Variants in MAN2A1 observed in about 807,000 individuals in gnomAD.
MAN2A1 encodes alpha-mannosidase 2.
MAN2A1 carries 76 observed loss-of-function variants against 142.6 expected under a neutral mutation model. The observed-to-expected ratio is 0.53, with a 90% CI of 0.44 to 0.65. MAN2A1 has a LOEUF of 0.65. MAN2A1 is among the 30% of genes least tolerant of loss of function. The pLI is 0.00. For missense variants in MAN2A1, 1,311 were observed against 1,365.1 expected, an observed-to-expected ratio of 0.96 and a Z score of 0.62; for synonymous variants, 559 against 473.2, an observed-to-expected ratio of 1.18 and a Z score of -2.35.
chr5:109,789,523 C>T lies in MAN2A1; in HGVS notation c.1939C>T (p.Pro647Ser). 1 of 1,565,180 alleles carries T rather than the reference C, an allele frequency of 6.4e-7. No homozygotes were observed. The highest frequency in any genetic ancestry group is 8.7e-7 in the Non-Finnish European group (1 of 1,153,458). Reference protein sequence around the residue: ...QKNIIRLSAEPRYLVVYNPLE... With the variant: ...QKNIIRLSAESRYLVVYNPLE... ...AAATATAATAAGGCTGAGTGCGGAG[C>T]CAAGGTAAATTCATAATTTCTTACA... Residue 647 changes from proline (P) to serine (S), a missense_variant, in exon 12 of 22, where the codon CCA (proline) becomes TCA (serine). Pro to Ser is a moderately conservative substitution (Grantham distance 74). Coordinates refer to ENST00000261483, the MANE Select transcript of MAN2A1 (RefSeq NM_002372.4).
In MAN2A1 at chr5:109,767,703, A is replaced by G. The variant is rs1753031837; in HGVS notation, c.1004A>G (p.Asn335Ser). Residue 335 changes from asparagine to serine, a missense_variant, in exon 6 of 22, where the codon AAT (asparagine) becomes AGT (serine). Asn to Ser is a conservative substitution (Grantham distance 46). Around this residue, in one of 3 missense-constraint regions of MAN2A1, gnomAD observed 409 missense variants for 412.7 expected, o/e 0.99. Coordinates refer to ENST00000261483, the MANE Select transcript of MAN2A1 (RefSeq NM_002372.4). ...ACATTGGAGTTTTTTTGGAGACAGA[A>G]TTGGGGTATGTAGGGTTTGATGAAA... The part of the protein sequence containing the change: ...HKTLEFFWRQ[N>S]WDLGSVTDIL... The G allele has an allele frequency of 1.9e-6, 3 of 1,610,780 alleles. No individual in the cohort carries two copies. The highest frequency in any genetic ancestry group is 1.7e-6 in the Non-Finnish European group (2 of 1,179,306).
At chr5:109,726,032 G>A (rs954168272) in intron 3 of MAN2A1, among the ~76,000 whole-genome samples, 1 of 152,048 alleles carries the variant, frequency 6.6e-6, no homozygotes, top group African/African-American at 2.4e-5. Flanking sequence ...TTTTTTATGG[G>A]TGGTAATAGT....
chr5:109,751,134 C>T (rs1044867308), intron 4 of MAN2A1, among the ~76,000 whole-genome samples: 4 of 151,996 alleles, frequency 2.6e-5, no homozygotes, highest in Non-Finnish European at 5.9e-5. Flanking sequence ...TCTTCCCAAT[C>T]GCTACCCTAA....
rs1180137995 is a variant in MAN2A1 at position 109,781,505 on chromosome 5, C to T, written c.1484C>T (p.Thr495Ile). ...MFPVLSGDFF[T>I]YADRDDHYWS... Reference sequence around the variant, plus strand: ...CCTGTTTTAAGTGGAGATTTTTTCACTTATGCCGATCGAGATGATCATTAC... The same window carrying T: ...CCTGTTTTAAGTGGAGATTTTTTCATTTATGCCGATCGAGATGATCATTAC... Residue 495 changes from threonine to isoleucine, a missense_variant, in exon 9 of 22, where the codon ACT becomes ATT. Transcript: ENST00000261483. 2 of 1,613,300 alleles carry T rather than the reference C, an allele frequency of 1.2e-6. No homozygotes were observed. Among genetic ancestry groups the T allele is most frequent in the Non-Finnish European group, 1.7e-6 (2 of 1,179,672 alleles).
intron 1 of MAN2A1, among the ~76,000 whole-genome samples, chr5:109,710,870 A>G (rs1751281436): frequency 6.6e-6 from 1 of 152,110 alleles, no homozygotes; most frequent in Non-Finnish European, 1.5e-5. Context: ...TTGTATTTTT[A>G]GTAGAGACGG....
chr5:109,746,192 C>G (rs960614918), intron 4 of MAN2A1, among the ~76,000 whole-genome samples: 1 of 152,152 alleles, frequency 6.6e-6, no homozygotes, highest in African/African-American at 2.4e-5. Flanking sequence ...CCAGGCTGGT[C>G]TTGAACTCCT....
intron 16 of MAN2A1, among the ~76,000 whole-genome samples, chr5:109,826,414 T>C (rs543883947): frequency 1.1e-4 from 17 of 152,294 alleles, no homozygotes; most frequent in African/African-American, 4.1e-4. Flanking sequence ...CTTTTTTCAT[T>C]CTAGTCCGGA....
At chr5:109,735,729 A>G (rs1206433258) in intron 4 of MAN2A1, among the ~76,000 whole-genome samples, 2 of 152,184 alleles carry the variant, frequency 1.3e-5, no homozygotes, top group African/African-American at 2.4e-5. Flanking sequence ...CAATGAGTGA[A>G]CATTGAATTT....
chr5:109,702,236 T>C (rs894960658), intron 1 of MAN2A1, among the ~76,000 whole-genome samples: 1 of 152,010 alleles, frequency 6.6e-6, no homozygotes, highest in African/African-American at 2.4e-5. Context: ...TTTAGTAGAG[T>C]TTAAAAAAGA....
intron 4 of MAN2A1, among the ~76,000 whole-genome samples, chr5:109,748,724 A>G (rs112375454): frequency 0.018 from 2,814 of 152,148 alleles, 34 homozygotes; most frequent in Middle Eastern, 0.071. Context: ...GATAGACAGC[A>G]TGGACAGCTA....
intron 16 of MAN2A1, among the ~76,000 whole-genome samples, chr5:109,830,887 A>T (rs1754889501): frequency 6.6e-6 from 1 of 152,230 alleles, no homozygotes; most frequent in African/African-American, 2.4e-5. Flanking sequence ...GGTTACACAG[A>T]TTCAGAACTC....
intron 1 of MAN2A1, among the ~76,000 whole-genome samples, chr5:109,693,863 A>T (rs1205574106): frequency 6.6e-6 from 1 of 152,096 alleles, no homozygotes; most frequent in Non-Finnish European, 1.5e-5. Flanking sequence ...AATAAATCTC[A>T]GCTAAGAAAA....
At position 109,713,789 on chromosome 5, in the gene MAN2A1, C is replaced by T. The variant is rs370116904; in HGVS notation, c.390+15C>T. 5.5e-5 allele frequency: 86 copies of T among 1,569,376 alleles called. No homozygotes were observed. The highest frequency in any genetic ancestry group is 1.8e-4 in the Middle Eastern group (1 of 5,692). On this transcript the variant is annotated intron_variant, in intron 2 of 21. Transcript: ENST00000261483. ...CAGATGTGCAGGTAATGTATACATT[C>T]GTTAATAATCACTGGCCTTTTTTTT...
chr5:109,842,614 C>T (rs748652459), intron 17 of MAN2A1, among the ~76,000 whole-genome samples, 153 bp downstream of exon 17: 14 of 151,958 alleles, frequency 9.2e-5, no homozygotes, highest in African/African-American at 1.7e-4. Flanking sequence ...CAGAAAATTT[C>T]GGGTTCTACA....
At chr5:109,740,107 T>G (rs539258185) in intron 4 of MAN2A1, among the ~76,000 whole-genome samples, 2 of 152,270 alleles carry the variant, frequency 1.3e-5, no homozygotes, top group South Asian at 4.1e-4. Flanking sequence ...TTCTGTGTGT[T>G]CAAGACAGTA....
At chr5:109,833,306 G>A (rs991837162) in intron 16 of MAN2A1, among the ~76,000 whole-genome samples, 1 of 152,112 alleles carries the variant, frequency 6.6e-6, no homozygotes, top group African/African-American at 2.4e-5. Context: ...CACTTTGGGA[G>A]GCCAAGGCAG....
At chr5:109,743,717 A>G (rs906995028) in intron 4 of MAN2A1, among the ~76,000 whole-genome samples, 1 of 152,048 alleles carries the variant, frequency 6.6e-6, no homozygotes, top group Non-Finnish European at 1.5e-5. Context: ...AAAACCTCCA[A>G]ATGGCCTTTC....
In MAN2A1 at chr5:109,770,557, T is replaced by C. The variant is rs1753118309; in HGVS notation, c.1196+16T>C. 6.2e-7 allele frequency: 1 copy of C among 1,610,054 alleles called. No individual in the cohort carries two copies. The highest frequency in any genetic ancestry group is 8.5e-7 in the Non-Finnish European group (1 of 1,177,544). On this transcript the variant is annotated intron_variant, in intron 7 of 21. Coordinates refer to ENST00000261483, the MANE Select transcript of MAN2A1 (RefSeq NM_002372.4). Reference sequence around the variant, plus strand: ...TCCAAAGCAGGTATGAAAATGCGTATTTCATAAGACAACATCTTGAATAAA... The same window carrying C: ...TCCAAAGCAGGTATGAAAATGCGTACTTCATAAGACAACATCTTGAATAAA...
At chr5:109,732,849 C>G (rs1582835787) in intron 4 of MAN2A1, among the ~76,000 whole-genome samples, 1 of 151,528 alleles carries the variant, frequency 6.6e-6, no homozygotes, top group African/African-American at 2.4e-5. Flanking sequence ...GATGCGGGCT[C>G]TTTTTTGGTT....
Sources: gnomAD v4.1 joint callset for allele counts (sites outside exome capture counted in the v4.1 genomes callset) on GRCh38, gnomAD v4.1.1 for gene constraint, gnomAD v4.1.1 regional missense constraint, MANE v1.5 for transcripts, NCBI Gene and HGNC (gene_info 2026-07-23, HGNC 2026-07-21) for gene names.